The following NRXN1 variants were observed in gnomAD, a reference collection of about 807,000 sequenced individuals.
The protein encoded by NRXN1 is neurexin-1.
A neutral mutation model predicts 150.9 loss-of-function variants in NRXN1; 39 were observed. The observed-to-expected ratio is 0.26, with a 90% CI of 0.20 to 0.34. The LOEUF (loss-of-function observed/expected upper bound fraction) is 0.34, where lower values mean the gene tolerates loss of function less well. NRXN1 is among the 10% of genes least tolerant of loss of function. NRXN1 has a pLI of 1.00. For missense variants in NRXN1, 1,815 were observed against 1,949.9 expected, an observed-to-expected ratio of 0.93 and a Z score of 1.30; for synonymous variants, 924 against 757.0, an observed-to-expected ratio of 1.22 and a Z score of -3.62.
chr2:50,937,575 T>C (rs980762514), intron 2 of NRXN1, among the ~76,000 whole-genome samples: 1 of 152,162 alleles, frequency 6.6e-6, no homozygotes, highest in Non-Finnish European at 1.5e-5. Context: ...CATCCAAATT[T>C]CAGGCAGTCC....
chr2:50,070,756 C>T (rs1214188599), intron 19 of NRXN1, among the ~76,000 whole-genome samples: 2 of 115,020 alleles, frequency 1.7e-5, no homozygotes, highest in Admixed American at 1.2e-4. Context: ...GGCGACAGAG[C>T]GAGACTCCGT....
At chr2:49,973,668 A>G (rs1678379606) in intron 21 of NRXN1, 1 of 380,950 alleles carries the variant, frequency 2.6e-6, no homozygotes, top group African/African-American at 2.1e-5. Flanking sequence ...TTTTGCCACA[A>G]GCATGCTGAT....
intron 18 of NRXN1, among the ~76,000 whole-genome samples, chr2:50,190,908 C>T (rs974708080): frequency 4.6e-5 from 7 of 151,762 alleles, no homozygotes; most frequent in Non-Finnish European, 1.0e-4. Flanking sequence ...CCACCACACC[C>T]GGCCTACACC....
intron 21 of NRXN1, among the ~76,000 whole-genome samples, chr2:50,048,983 GA>G (rs1167350245): frequency 1.3e-5 from 2 of 151,944 alleles, no homozygotes; most frequent in African/African-American, 4.8e-5. Flanking sequence ...AAGATAAAAA[GA>G]AAATAAAAAA....
rs535446643 is a variant in NRXN1 at position 51,023,526 on chromosome 2, G to C, written c.772+3976C>G. ...TTCTTTCTCACTTTTTCAGATTTCA[G>C]TTTAATAATCACTTTTTATTACGTC... On this transcript the variant is annotated intron_variant, in intron 2 of 22. Transcript: ENST00000401669. 3.3e-5 allele frequency among the ~76,000 whole-genome samples: 5 copies of C among 152,224 alleles called. No individual in the cohort carries two copies. In the South Asian group the frequency reaches 6.2e-4, roughly 19 times the overall value.
intron 5 of NRXN1, among the ~76,000 whole-genome samples, chr2:50,825,704 G>A (rs1001384910): frequency 8.5e-5 from 13 of 152,154 alleles, no homozygotes; most frequent in African/African-American, 2.2e-4. Flanking sequence ...AGCTGCTCTC[G>A]CAAATTAATG....
At chr2:50,407,533 G>A (rs1398301091) in intron 17 of NRXN1, among the ~76,000 whole-genome samples, 1 of 152,020 alleles carries the variant, frequency 6.6e-6, no homozygotes, top group Non-Finnish European at 1.5e-5. Flanking sequence ...CCCCAATATG[G>A]CAATATTGAG....
intron 12 of NRXN1, among the ~76,000 whole-genome samples, chr2:50,519,110 T>C (rs1352231341): frequency 3.3e-5 from 5 of 151,920 alleles, no homozygotes; most frequent in African/African-American, 1.2e-4. Flanking sequence ...TTTCTTTTTG[T>C]TTCTTTACAT....
intron 19 of NRXN1, among the ~76,000 whole-genome samples, chr2:50,063,872 A>C (rs1694946195): frequency 6.6e-6 from 1 of 152,106 alleles, no homozygotes; most frequent in Non-Finnish European, 1.5e-5. Flanking sequence ...ATTGCTTGTT[A>C]AGTAATTTCT....
At chr2:50,585,123 C>T (rs185518634) in intron 8 of NRXN1, among the ~76,000 whole-genome samples, 9 of 152,208 alleles carry the variant, frequency 5.9e-5, no homozygotes, top group African/African-American at 2.2e-4. Flanking sequence ...TAGTTTAGCC[C>T]ATGAATTCTA....
At chr2:49,964,178 G>T (rs1355855407) in intron 21 of NRXN1, among the ~76,000 whole-genome samples, 1 of 152,164 alleles carries the variant, frequency 6.6e-6, no homozygotes, top group Non-Finnish European at 1.5e-5. Flanking sequence ...ATCAATTTAC[G>T]CTCCAAACTG....
intron 5 of NRXN1, among the ~76,000 whole-genome samples, chr2:50,826,622 G>A (rs888746632): frequency 6.6e-6 from 1 of 152,232 alleles, no homozygotes; most frequent in Non-Finnish European, 1.5e-5. Context: ...TTAAAGTGCG[G>A]TTCAGTGAGG....
intron 5 of NRXN1, among the ~76,000 whole-genome samples, chr2:50,669,397 T>C (rs1046135620): frequency 1.3e-5 from 2 of 151,962 alleles, no homozygotes; most frequent in African/African-American, 4.8e-5. Flanking sequence ...TAGAAATAAA[T>C]AGCAATATCA....
At position 50,221,603 on chromosome 2, in the gene NRXN1, C is replaced by A. The variant is rs80348341; in HGVS notation, c.3546+15186G>T. On this transcript the variant is annotated intron_variant, in intron 18 of 22. Coordinates refer to ENST00000401669, the MANE Select transcript of NRXN1 (RefSeq NM_001330078.2). ...AGAATTGGCCATTTAAAAAAAAGTT[C>A]TTTAATTTTTAAATGTGGTTCTCAC... 8.7e-3 allele frequency among the ~76,000 whole-genome samples: 1,327 copies of A among 151,966 alleles called. 19 individuals are homozygous for A. The highest frequency in any genetic ancestry group is 0.031 in the African/African-American group (1,265 of 41,438).
chr2:50,540,264 A>T (rs1383030757), intron 9 of NRXN1, among the ~76,000 whole-genome samples: 1 of 152,234 alleles, frequency 6.6e-6, no homozygotes, highest in Non-Finnish European at 1.5e-5. Flanking sequence ...AGAGAAAAGG[A>T]CAAAGTATTC....
chr2:50,025,162 G>A (rs139097235), intron 21 of NRXN1, among the ~76,000 whole-genome samples: 15 of 152,124 alleles, frequency 9.9e-5, no homozygotes, highest in African/African-American at 3.4e-4. Flanking sequence ...GAGTGGAGGT[G>A]CAGCAACAAA....
chr2:50,006,089 T>C (rs1212172374), intron 21 of NRXN1, among the ~76,000 whole-genome samples: 3 of 152,068 alleles, frequency 2.0e-5, no homozygotes, highest in African/African-American at 4.8e-5. Flanking sequence ...CAGTAAGTAT[T>C]TGTAGACATG....
Position 50,522,719 on chromosome 2 carries a change from CATTTTT to C in NRXN1, c.2374+5900_2374+5905del, listed in dbSNP as rs1335881140. Among the ~76,000 whole-genome samples the C allele has an allele frequency of 2.9e-3, 253 of 86,536 alleles. 28 individuals are homozygous for C. Among genetic ancestry groups the C allele is most frequent in the Admixed American group, 3.4e-3 (27 of 7,906 alleles). 56.8% of individuals were successfully genotyped at this position (86,536 alleles called of 152,430 possible). Reference sequence around the variant, plus strand: ...TTCCATTTATTCATTTATTTTTATTCATTTTTTTTTTTTTTTTTTTTTTTTTTTTTT... The same window carrying C: ...TTCCATTTATTCATTTATTTTTATTCTTTTTTTTTTTTTTTTTTTTTTTTT... On this transcript the variant is annotated intron_variant, in intron 12 of 22. Transcript: ENST00000401669.
intron 17 of NRXN1, among the ~76,000 whole-genome samples, chr2:50,301,584 G>A (rs1036923251): frequency 7.9e-5 from 12 of 152,144 alleles, no homozygotes; most frequent in African/African-American, 2.9e-4. Flanking sequence ...CAAGGGAAAA[G>A]TCATCAATTT....
Sources: gnomAD v4.1 joint callset for allele counts (sites outside exome capture counted in the v4.1 genomes callset) on GRCh38, gnomAD v4.1.1 for gene constraint, MANE v1.5 for transcripts, NCBI Gene and HGNC (gene_info 2026-07-23, HGNC 2026-07-21) for gene names.